KLRD1: variants seen among roughly 807,000 people sequenced by gnomAD.
The protein encoded by KLRD1 is killer cell lectin like receptor D1.
In KLRD1, 21 loss-of-function variants were observed where a neutral mutation model predicts 22.6. The observed-to-expected ratio is 0.93, with a 90% CI of 0.66 to 1.34. The LOEUF is 1.34. KLRD1 is among the 40% of genes most tolerant of loss of function. KLRD1 has a pLI of 0.00. For missense variants in KLRD1, 183 were observed against 208.6 expected, an observed-to-expected ratio of 0.88 and a Z score of 0.76; for synonymous variants, 59 against 71.1, an observed-to-expected ratio of 0.83 and a Z score of 0.85.
At chr12:10,257,901 C>A (rs1224760998) in intron 1 of KLRD1, among the ~76,000 whole-genome samples, 1 of 151,930 alleles carries the variant, frequency 6.6e-6, no homozygotes, top group African/African-American at 2.4e-5. Context: ...TACTGTAGGT[C>A]TTGGGATTAG....
intron 1 of KLRD1, among the ~76,000 whole-genome samples, chr12:10,245,097 C>G (rs894723834): frequency 1.3e-5 from 2 of 152,158 alleles, no homozygotes; most frequent in African/African-American, 4.8e-5. Context: ...GTGGCTCACA[C>G]CTGTAATCCC....
At chr12:10,259,668 C>T (rs1233322660) in intron 1 of KLRD1, among the ~76,000 whole-genome samples, 1 of 152,132 alleles carries the variant, frequency 6.6e-6, no homozygotes, top group Non-Finnish European at 1.5e-5. Flanking sequence ...TTTTCTTAAA[C>T]CCAAAGAATA....
Position 10,314,848 on chromosome 12 carries a change from A to G in KLRD1, c.*55A>G. 6.8e-7 allele frequency: 1 copy of G among 1,478,134 alleles called. No homozygotes were observed. Among genetic ancestry groups the G allele is most frequent in the South Asian group, 1.3e-5 (1 of 79,930 alleles). 91.6% of individuals were successfully genotyped at this position (1,478,134 alleles called of 1,614,324 possible). On this transcript the variant is annotated 3_prime_UTR_variant, in exon 6 of 6. Transcript: ENST00000336164. ...TAAAGACCCAACATTACTAACAATG[A>G]TACAGTTGCATGTTATATTATTACT... is the stretch of plus-strand genomic sequence containing the variant.
chr12:10,305,607 A>C (rs556258654), upstream of KLRD1, among the ~76,000 whole-genome samples: 3 of 152,308 alleles, frequency 2.0e-5, no homozygotes, highest in African/African-American at 7.2e-5. Flanking sequence ...AGCAAATCAC[A>C]AGATTCGTTT....
At chr12:10,313,636 G>A in intron 5 of KLRD1, 123 bp downstream of exon 5, 1 of 474,464 alleles carries the variant, frequency 2.1e-6, no homozygotes. Context: ...TGAGAATACA[G>A]TAAAAGGAAA....
Position 10,314,549 on chromosome 12 carries a change from A to G in KLRD1, c.420-124A>G, listed in dbSNP as rs1218023866. On this transcript the variant is annotated intron_variant, in intron 5 of 5. Coordinates refer to ENST00000336164, the MANE Select transcript of KLRD1 (RefSeq NM_002262.5). ...CATGAAAATTGTGGTTACTGAAAAA[A>G]AAAGGACTCAATATGTTAGTATCTC... 3 of 781,960 alleles carry G rather than the reference A, an allele frequency of 3.8e-6. No individual in the cohort carries two copies. In the East Asian group the frequency reaches 9.5e-5, roughly 25 times the overall value. The allele number at this position is 781,960 out of a possible 1,614,324, so 48.4% of individuals were successfully genotyped here.
intron 1 of KLRD1, among the ~76,000 whole-genome samples, chr12:10,249,629 G>A (rs1949326493): frequency 1.3e-5 from 2 of 152,142 alleles, no homozygotes; most frequent in Admixed American, 1.3e-4. Flanking sequence ...AACTCTTGGG[G>A]AAATCGTCAA....
intron 1 of KLRD1, among the ~76,000 whole-genome samples, chr12:10,274,288 A>AT (rs889648569): frequency 5.9e-5 from 9 of 151,810 alleles, no homozygotes; most frequent in Admixed American, 4.6e-4. Context: ...TCAAAAAAAA[A>AT]TTTTTTTTTA....
At chr12:10,309,806 A>G in intron 3 of KLRD1, 118 bp downstream of exon 3, 1 of 689,684 alleles carries the variant, frequency 1.4e-6, no homozygotes, top group Non-Finnish European at 2.6e-6. Context: ...TTTGCCTACC[A>G]GTGTAGGATA....
chr12:10,257,913 T>A (rs1352794305), intron 1 of KLRD1, among the ~76,000 whole-genome samples: 3 of 152,092 alleles, frequency 2.0e-5, no homozygotes, highest in African/African-American at 7.2e-5. Context: ...TGGGATTAGC[T>A]TTAGGTAAAG....
At chr12:10,289,788 T>TG (rs1412915210) in intron 1 of KLRD1, among the ~76,000 whole-genome samples, 5 of 152,046 alleles carry the variant, frequency 3.3e-5, no homozygotes, top group Admixed American at 6.5e-5. Flanking sequence ...GTAATTTTTT[T>TG]TGTGTGTGTG....
chr12:10,246,933 C>CTTTTTTTTTTT (rs71049075), intron 1 of KLRD1, among the ~76,000 whole-genome samples: 1 of 58,376 alleles, frequency 1.7e-5, no homozygotes, highest in Non-Finnish European at 4.1e-5. Context: ...CTTTTCTTTT[C>CTTTTTTTTTTT]TTTTTTTTTT....
chr12:10,261,109 G>A (rs10743878), intron 1 of KLRD1, among the ~76,000 whole-genome samples: 121,965 of 152,186 alleles, frequency 0.8, 53,458 homozygotes, highest in Non-Finnish European at 0.98. Flanking sequence ...TTGAAGCACC[G>A]TATGTAGATG....
chr12:10,304,540 G>C (rs905769504), upstream of KLRD1: 2 of 152,164 alleles, frequency 1.3e-5, no homozygotes, highest in African/African-American at 4.8e-5. Context: ...AAGTAGCAGG[G>C]GTTACAGGTG....
rs1297807697 is a variant in KLRD1 at position 10,318,850 on chromosome 12, A to G, written c.*4057A>G. 1 of 151,754 alleles carries G rather than the reference A, an allele frequency of 6.6e-6. No homozygotes were observed. The highest frequency in any genetic ancestry group is 1.5e-5 in the Non-Finnish European group (1 of 68,046). 9.4% of individuals were successfully genotyped at this position (151,754 alleles called of 1,614,324 possible). A position where few individuals can be genotyped will look rare whatever the true frequency, so the allele number is the denominator to read the frequency against. On this transcript the variant is annotated 3_prime_UTR_variant, in exon 6 of 6. Coordinates refer to ENST00000336164, the MANE Select transcript of KLRD1 (RefSeq NM_002262.5). ...GACAGAGGAGACTCCGTCTCCAAAA[A>G]AAAAAAAAAAAAAAAAGCTTTTCAT...
intron 1 of KLRD1, among the ~76,000 whole-genome samples, chr12:10,267,616 A>G (rs1201262469): frequency 6.6e-6 from 1 of 152,212 alleles, no homozygotes; most frequent in East Asian, 1.9e-4. Context: ...ATAAGATATC[A>G]TAACAGAGAA....
intron 1 of KLRD1, among the ~76,000 whole-genome samples, chr12:10,272,307 A>G (rs1266331424): frequency 6.6e-6 from 1 of 152,166 alleles, no homozygotes; most frequent in Non-Finnish European, 1.5e-5. Context: ...AGTCAATAAC[A>G]TTACCCTAAA....
At chr12:10,267,484 G>A (rs1265446824) in intron 1 of KLRD1, among the ~76,000 whole-genome samples, 1 of 152,034 alleles carries the variant, frequency 6.6e-6, no homozygotes, top group Non-Finnish European at 1.5e-5. Context: ...ATAAAATGTT[G>A]AGCAAATAAA....
At chr12:10,270,436 T>G (rs1331403107) in intron 1 of KLRD1, among the ~76,000 whole-genome samples, 2 of 152,134 alleles carry the variant, frequency 1.3e-5, no homozygotes, top group African/African-American at 2.4e-5. Flanking sequence ...CAATGCACCA[T>G]GGAGACACGG....
Sources: gnomAD v4.1 joint callset for allele counts (sites outside exome capture counted in the v4.1 genomes callset) on GRCh38, gnomAD v4.1.1 for gene constraint, MANE v1.5 for transcripts, NCBI Gene and HGNC (gene_info 2026-07-23, HGNC 2026-07-21) for gene names.